Variants in MARCHF3 observed in about 807,000 individuals in gnomAD.
MARCHF3 encodes the protein membrane associated ring-CH-type finger 3.
A neutral mutation model predicts 24.2 loss-of-function variants in MARCHF3; 13 were observed. The ratio of observed to expected loss-of-function variants is 0.54; its 90% confidence interval spans 0.35 to 0.85. The LOEUF is 0.85. MARCHF3 is among the 40% of genes least tolerant of loss of function. The probability of loss-of-function intolerance (pLI) is 0.01; values close to 1 mark genes in which losing one functional copy is unlikely to be tolerated. For missense variants in MARCHF3, 276 were observed against 325.0 expected (o/e 0.85, Z 1.16); for synonymous variants, 144 against 137.3 (o/e 1.05, Z -0.34).
At chr5:127,004,164 A>G (rs1423126298) in intron 1 of MARCHF3, among the ~76,000 whole-genome samples, 1 of 152,210 alleles carries the variant, frequency 6.6e-6, no homozygotes, top group African/African-American at 2.4e-5. Flanking sequence ...CTATTTCCTA[A>G]TAGAAACCAA....
chr5:126,893,283 A>ATTTCCT (rs1234677902), intron 3 of MARCHF3, among the ~76,000 whole-genome samples: 11 of 150,910 alleles, frequency 7.3e-5, no homozygotes, highest in African/African-American at 2.4e-4. Context: ...TTGTGTCTCT[A>ATTTCCT]TTTCCTTCAG....
chr5:127,000,620 G>C (rs1212352829), intron 1 of MARCHF3, among the ~76,000 whole-genome samples: 5 of 152,182 alleles, frequency 3.3e-5, no homozygotes, highest in African/African-American at 1.2e-4. Context: ...AGGGCAGAAT[G>C]AAAGGAACTG....
chr5:126,879,747 A>G (rs1393840393), intron 3 of MARCHF3, among the ~76,000 whole-genome samples: 1 of 152,194 alleles, frequency 6.6e-6, no homozygotes. Flanking sequence ...TGACATTCCC[A>G]TCTCACTGTT....
rs1752836998 is a variant in MARCHF3 at position 126,868,313 on chromosome 5, C to T, written c.*2320G>A. On this transcript the variant is annotated 3_prime_UTR_variant, in exon 5 of 5. Coordinates refer to ENST00000308660, the MANE Select transcript of MARCHF3 (RefSeq NM_178450.5). ...GATCAGAGCCTCTCACAAGGAGGTC[C>T]CAAGCTGGTGACCTGGGAAGGGAGG... The T allele has an allele frequency of 6.6e-6, 1 of 152,178 alleles. No individual in the cohort carries two copies. The highest frequency in any genetic ancestry group is 2.1e-4 in the South Asian group (1 of 4,826). 9.4% of individuals were successfully genotyped at this position (152,178 alleles called of 1,614,324 possible). A position where few individuals can be genotyped will look rare whatever the true frequency, so the allele number is the denominator to read the frequency against.
intron 3 of MARCHF3, among the ~76,000 whole-genome samples, chr5:126,913,334 G>T (rs1362185714): frequency 6.6e-6 from 1 of 152,200 alleles, no homozygotes; most frequent in Admixed American, 6.5e-5. Context: ...CCCTGGAGAG[G>T]CTGCAATATC....
chr5:126,981,489 T>G (rs573008455), intron 1 of MARCHF3, among the ~76,000 whole-genome samples: 3 of 152,358 alleles, frequency 2.0e-5, no homozygotes, highest in Non-Finnish European at 4.4e-5. Flanking sequence ...TTGTTCCTAC[T>G]CCAGATGTAA....
chr5:126,958,856 T>A (rs936934626), intron 1 of MARCHF3, among the ~76,000 whole-genome samples: 1 of 152,166 alleles, frequency 6.6e-6, no homozygotes, highest in Non-Finnish European at 1.5e-5. Context: ...TCCAAGTGAA[T>A]GAGCTACCAC....
At chr5:126,939,745 A>G (rs1208141373) in intron 1 of MARCHF3, among the ~76,000 whole-genome samples, 1 of 152,198 alleles carries the variant, frequency 6.6e-6, no homozygotes, top group Non-Finnish European at 1.5e-5. Context: ...TTGCTCTTAG[A>G]GAAAATGCAG....
intron 1 of MARCHF3, among the ~76,000 whole-genome samples, chr5:127,023,695 C>T (rs1481033770): frequency 1.3e-5 from 2 of 151,440 alleles, no homozygotes; most frequent in African/African-American, 2.4e-5. Context: ...TGCGCCGCTG[C>T]ACTCTAGCCT....
chr5:126,941,524 A>G (rs1339033582), intron 1 of MARCHF3, among the ~76,000 whole-genome samples: 1 of 152,214 alleles, frequency 6.6e-6, no homozygotes, highest in Non-Finnish European at 1.5e-5. Flanking sequence ...TTGGGTTTTC[A>G]AAACTGAAGT....
chr5:126,992,469 G>C (rs556126352), intron 1 of MARCHF3, among the ~76,000 whole-genome samples: 69 of 152,276 alleles, frequency 4.5e-4, no homozygotes, highest in African/African-American at 1.6e-3. Flanking sequence ...TTTTCCGTTT[G>C]CTTTCTCATC....
At position 127,005,691 on chromosome 5, in the gene MARCHF3, G is replaced by A. The variant is rs543998721; in HGVS notation, c.-57+24659C>T. On this transcript the variant is annotated intron_variant, in intron 1 of 4. Coordinates refer to ENST00000308660, the MANE Select transcript of MARCHF3 (RefSeq NM_178450.5). ...CTGTGACTGTTCCCTGCCCCAAAAA[G>A]TTTAAAAATCTTTAGCCTAGAGTAG... is the stretch of plus-strand genomic sequence containing the variant. 3.3e-5 allele frequency among the ~76,000 whole-genome samples: 5 copies of A among 152,100 alleles called. No individual in the cohort carries two copies. The South Asian group carries it at 6.2e-4, about 19-fold the overall frequency.
chr5:126,985,129 T>C (rs1015398493), intron 1 of MARCHF3, among the ~76,000 whole-genome samples: 6 of 152,122 alleles, frequency 3.9e-5, no homozygotes, highest in Admixed American at 2.6e-4. Context: ...GGGATTTCCT[T>C]TGGGGGGACT....
chr5:126,983,177 C>T (rs1315877819), intron 1 of MARCHF3, among the ~76,000 whole-genome samples: 6 of 152,206 alleles, frequency 3.9e-5, no homozygotes, highest in Non-Finnish European at 7.3e-5. Context: ...GGACACTGCT[C>T]CAGCAGTCCC....
intron 1 of MARCHF3, among the ~76,000 whole-genome samples, chr5:126,960,340 A>G (rs1750597372): frequency 6.6e-6 from 1 of 152,176 alleles, no homozygotes; most frequent in South Asian, 2.1e-4. Context: ...GGCTGTATAA[A>G]TCATGAATAA....
At chr5:126,898,014 T>C (rs992067385) in intron 3 of MARCHF3, among the ~76,000 whole-genome samples, 5 of 151,932 alleles carry the variant, frequency 3.3e-5, no homozygotes, top group Admixed American at 6.6e-5. Flanking sequence ...AGGCTGAAGA[T>C]AGATTAGTGG....
chr5:126,921,426 G>T (rs1411392548), intron 1 of MARCHF3, among the ~76,000 whole-genome samples: 3 of 152,132 alleles, frequency 2.0e-5, no homozygotes, highest in Non-Finnish European at 2.9e-5. Flanking sequence ...GGCAGGAGCG[G>T]ACCTCACAAG....
chr5:126,925,407 T>A lies in MARCHF3; in HGVS notation c.-56-7180A>T, dbSNP rs183381220. On this transcript the variant is annotated intron_variant, in intron 1 of 4. Transcript: ENST00000308660. Reference sequence around the variant, plus strand: ...AAATATCAGACAGATCTTTTTTTTTTATTTAAAATTACTGTATTTTCTCTT... The same window carrying A: ...AAATATCAGACAGATCTTTTTTTTTAATTTAAAATTACTGTATTTTCTCTT... 1.3e-3 allele frequency among the ~76,000 whole-genome samples: 194 copies of A among 152,322 alleles called. 1 individual carries two copies. The highest frequency in any genetic ancestry group is 3.4e-3 in the Middle Eastern group (1 of 294).
At chr5:126,987,042 A>G (rs1751588823) in intron 1 of MARCHF3, among the ~76,000 whole-genome samples, 1 of 152,224 alleles carries the variant, frequency 6.6e-6, no homozygotes, top group African/African-American at 2.4e-5. Flanking sequence ...TGTGGATGTG[A>G]TGAACAGTTA....
Sources: allele counts gnomAD v4.1 joint callset (sites outside exome capture counted in the v4.1 genomes callset), GRCh38; gene constraint gnomAD v4.1.1; transcripts MANE v1.5; gene names NCBI Gene and HGNC (gene_info 2026-07-23, HGNC 2026-07-21).